Variants in RAI14 observed in about 807,000 individuals in gnomAD.
The protein encoded by RAI14 is ankycorbin.
In RAI14, 45 loss-of-function variants were observed where a neutral mutation model predicts 115.4. The observed-to-expected ratio is 0.39, with a 90% confidence interval of 0.31 to 0.50. RAI14 has a LOEUF of 0.50. Ranked by LOEUF, RAI14 falls within the 20% of genes least tolerant of loss-of-function variation. RAI14 has a pLI of 0.85. For missense variants in RAI14, 939 were observed against 1,131.2 expected, an observed-to-expected ratio of 0.83 and a Z score of 2.44; for synonymous variants, 371 against 415.4, an observed-to-expected ratio of 0.89 and a Z score of 1.30.
intron 2 of RAI14, among the ~76,000 whole-genome samples, chr5:34,689,450 C>T (rs899663745): frequency 1.3e-5 from 2 of 152,036 alleles, no homozygotes; most frequent in East Asian, 1.9e-4. Flanking sequence ...GCTTTAAAAG[C>T]GACTTAAACT....
intron 3 of RAI14, among the ~76,000 whole-genome samples, chr5:34,766,614 C>T (rs1160757519): frequency 6.6e-6 from 1 of 152,054 alleles, no homozygotes; most frequent in African/African-American, 2.4e-5. Context: ...TTTACAGGCT[C>T]CTAGGTGGAA....
intron 2 of RAI14, among the ~76,000 whole-genome samples, chr5:34,713,732 G>A (rs1741675244): frequency 6.6e-6 from 1 of 151,698 alleles, no homozygotes; most frequent in Admixed American, 6.6e-5. Flanking sequence ...TTCTTAGATG[G>A]CTTCATTGTC....
At chr5:34,817,210 G>A (rs1756340572) in intron 12 of RAI14, among the ~76,000 whole-genome samples, 1 of 149,820 alleles carries the variant, frequency 6.7e-6, no homozygotes, top group African/African-American at 2.5e-5. Context: ...CTGGGAGGCA[G>A]AGGTTGCAGT....
chr5:34,656,629 C>T (rs1055339896), intron 1 of RAI14, 154 bp downstream of exon 1: 1 of 152,418 alleles, frequency 6.6e-6, no homozygotes, highest in African/African-American at 2.4e-5. Flanking sequence ...GCCACCTCTC[C>T]CTGGTCCACC....
At chr5:34,780,700 A>G (rs1751505944) in intron 3 of RAI14, among the ~76,000 whole-genome samples, 2 of 152,252 alleles carry the variant, frequency 1.3e-5, no homozygotes, top group South Asian at 4.1e-4. Context: ...TTAGAATGGC[A>G]ATCATTAAAA....
chr5:34,780,641 A>G (rs1751499345), intron 3 of RAI14, among the ~76,000 whole-genome samples: 1 of 152,234 alleles, frequency 6.6e-6, no homozygotes, highest in Admixed American at 6.5e-5. Flanking sequence ...ATCACTGGCC[A>G]TCAGAGAAAT....
chr5:34,670,661 C>G (rs184908021), intron 1 of RAI14, among the ~76,000 whole-genome samples: 4 of 152,316 alleles, frequency 2.6e-5, no homozygotes, highest in African/African-American at 9.6e-5. Flanking sequence ...GTTAACACAT[C>G]TGCCTTGCAT....
intron 3 of RAI14, among the ~76,000 whole-genome samples, chr5:34,766,408 G>C (rs962389313): frequency 3.3e-5 from 5 of 152,198 alleles, no homozygotes; most frequent in African/African-American, 1.2e-4. Flanking sequence ...TCTTGCATCA[G>C]TGTGACCTGG....
At chr5:34,745,870 C>A (rs949942999) in intron 2 of RAI14, among the ~76,000 whole-genome samples, 6 of 152,148 alleles carry the variant, frequency 3.9e-5, no homozygotes, top group Admixed American at 2.0e-4. Flanking sequence ...CGGGCTTACT[C>A]TGTCTCCCAT....
At chr5:34,723,506 C>T (rs1743067406) in intron 2 of RAI14, among the ~76,000 whole-genome samples, 1 of 152,142 alleles carries the variant, frequency 6.6e-6, no homozygotes, top group Non-Finnish European at 1.5e-5. Context: ...TCAAAGTTTA[C>T]CGATTTAAGT....
chr5:34,746,419 A>G (rs977229595), intron 2 of RAI14, among the ~76,000 whole-genome samples: 9 of 131,760 alleles, frequency 6.8e-5, no homozygotes, highest in African/African-American at 2.6e-4. Flanking sequence ...TTTTTTTTTT[A>G]ACGGAGACAG....
At chr5:34,804,527 G>T (rs1273151900) in intron 5 of RAI14, among the ~76,000 whole-genome samples, 1 of 152,188 alleles carries the variant, frequency 6.6e-6, no homozygotes, top group East Asian at 1.9e-4. Flanking sequence ...GCCTTCACAA[G>T]CACTATTTGG....
At chr5:34,743,881 G>T (rs1745843018) in intron 2 of RAI14, among the ~76,000 whole-genome samples, 1 of 152,206 alleles carries the variant, frequency 6.6e-6, no homozygotes, top group African/African-American at 2.4e-5. Context: ...CATGGCATGT[G>T]AATTTCTTTA....
At position 34,826,344 on chromosome 5, in the gene RAI14, G is replaced by A. The variant is rs764503973; in HGVS notation, c.2664G>A (p.Ser888=). ...EDKDKKINEM[S]KEVTKLKEAL... is the part of the protein sequence containing the mutation. ...TTTGCCCCTAGATAAATGAGATGTC[G>A]AAGGAAGTCACCAAATTGAAGGAGG... is the stretch of plus-strand genomic sequence containing the variant. Residue 888 remains serine, a synonymous_variant, in exon 16 of 18, where the codon TCG becomes TCA. Transcript: ENST00000265109. The A allele has an allele frequency of 1.1e-5, 18 of 1,613,658 alleles. No individual in the cohort carries two copies. Among genetic ancestry groups the A allele is most frequent in the African/African-American group, 4.0e-5 (3 of 74,894 alleles).
At chr5:34,688,105 CGACAAA>C (rs142375133) in intron 2 of RAI14, 801,612 of 1,498,254 alleles carry the variant, frequency 0.54, 224,324 homozygotes, top group South Asian at 0.65. Flanking sequence ...AAAGAGACTT[CGACAAA>C]GACAGAAAAC....
intron 2 of RAI14, among the ~76,000 whole-genome samples, chr5:34,705,594 C>G (rs1740613870): frequency 2.0e-5 from 3 of 152,124 alleles, no homozygotes; most frequent in Admixed American, 2.0e-4. Flanking sequence ...ACCCAGGAGT[C>G]ACCAGCCCCC....
rs1410990255 is a variant in RAI14, at chr5:34,831,793, T to C, written c.*1028T>C. The C allele has an allele frequency of 1.3e-5, 2 of 152,182 alleles. No homozygotes were observed. The highest frequency in any genetic ancestry group is 2.9e-5 in the Non-Finnish European group (2 of 68,036). 9.4% of individuals were successfully genotyped at this position (152,182 alleles called of 1,614,324 possible). A position where few individuals can be genotyped will look rare whatever the true frequency, so the allele number is the denominator to read the frequency against. On this transcript the variant is annotated 3_prime_UTR_variant, in exon 18 of 18. Coordinates refer to ENST00000265109, the MANE Select transcript of RAI14 (RefSeq NM_015577.3). The stretch of plus-strand genomic sequence containing the variant: ...GTAGTTATGTATGCCAGACCTAATA[T>C]GAGCTGCCACCAACACCCCTAGAAC...
intron 1 of RAI14, among the ~76,000 whole-genome samples, chr5:34,663,193 G>C (rs1742835749): frequency 6.6e-6 from 1 of 152,140 alleles, no homozygotes; most frequent in Non-Finnish European, 1.5e-5. Flanking sequence ...CCCACTGAGA[G>C]ATATCAGCAA....
chr5:34,829,842 C>T (rs1319210749), intron 17 of RAI14, 45 bp downstream of exon 17: 6 of 1,456,054 alleles, frequency 4.1e-6, no homozygotes, highest in Admixed American at 2.0e-5. Context: ...TAAAGAAATA[C>T]GGCAGCAGAT....
Sources: gnomAD v4.1 joint callset for allele counts (sites outside exome capture counted in the v4.1 genomes callset) on GRCh38, gnomAD v4.1.1 for gene constraint, MANE v1.5 for transcripts, NCBI Gene and HGNC (gene_info 2026-07-23, HGNC 2026-07-21) for gene names.